The following PARP4 variants were observed in gnomAD, a reference collection of about 807,000 sequenced individuals.
PARP4 encodes protein mono-ADP-ribosyltransferase PARP4.
In PARP4, 120 loss-of-function variants were observed where a neutral mutation model predicts 187.7. The ratio of observed to expected loss-of-function variants is 0.64; its 90% CI spans 0.55 to 0.74. PARP4 has a LOEUF of 0.74. Among genes scored for constraint, PARP4 ranks in the 30% least tolerant of loss-of-function variants. The pLI is 0.00. For missense variants in PARP4, 1,836 were observed against 2,070.5 expected, an observed-to-expected ratio of 0.89 and a Z score of 2.20; for synonymous variants, 654 against 740.9, an observed-to-expected ratio of 0.88 and a Z score of 1.90.
At chr13:24,455,671 G>A (rs1871806387) in intron 21 of PARP4, among the ~76,000 whole-genome samples, 1 of 126,442 alleles carries the variant, frequency 7.9e-6, no homozygotes, top group Admixed American at 9.1e-5. Flanking sequence ...AGGCTGGTAT[G>A]CAGTGGCACG....
Position 24,435,110 on chromosome 13 carries a change from T to C in PARP4, c.4031A>G (p.Tyr1344Cys), listed in dbSNP as rs761506055. The C allele has an allele frequency of 2.5e-6, 4 of 1,614,112 alleles. No homozygotes were observed. The highest frequency in any genetic ancestry group is 1.6e-4 in the Middle Eastern group (1 of 6,062). ...TGAACCGAAACTAGCTACCTGACGATATGAGGCAAAAGACAAGGAAGCAGG... is the reference window on the plus strand; with the variant it reads ...TGAACCGAAACTAGCTACCTGACGACATGAGGCAAAAGACAAGGAAGCAGG... ...HSPASLSFASYRQVASFGSAA... is the reference protein window; with the variant it reads ...HSPASLSFASCRQVASFGSAA... The change falls in exon 31 of 34, where the codon TAT becomes TGT. Residue 1344 changes from tyrosine to cysteine, a missense_variant. Coordinates refer to ENST00000381989, the MANE Select transcript of PARP4 (RefSeq NM_006437.4).
chr13:24,459,310 C>T lies in PARP4; in HGVS notation c.2299G>A (p.Asp767Asn). The part of the protein sequence containing the change: ...QDKALNENLQ[D>N]TVEKICIKEI... ...TTTATACAAATCTTCTCTACTGTAT[C>T]CTGTTAAAAGAAAAATACATTTGTA... The change falls in exon 19 of 34, where the codon GAT (aspartate) becomes AAT (asparagine). Residue 767 changes from aspartate to asparagine, a missense_variant and splice_region_variant. Coordinates refer to ENST00000381989, the MANE Select transcript of PARP4 (RefSeq NM_006437.4). The T allele has an allele frequency of 1.3e-6, 2 of 1,551,056 alleles. No homozygotes were observed. The highest frequency in any genetic ancestry group is 1.8e-6 in the Non-Finnish European group (2 of 1,140,228).
intron 8 of PARP4, among the ~76,000 whole-genome samples, chr13:24,493,118 C>A (rs1044283124): frequency 1.3e-5 from 2 of 152,216 alleles, no homozygotes; most frequent in Non-Finnish European, 2.9e-5. Flanking sequence ...ATTGGGGTAT[C>A]TTCTTTTGTC....
chr13:24,503,703 T>A lies in PARP4; in HGVS notation c.74A>T (p.Lys25Met). 1 of 1,613,906 alleles carries A rather than the reference T, an allele frequency of 6.2e-7. No homozygotes were observed. Among genetic ancestry groups the A allele is most frequent in the Non-Finnish European group, 8.5e-7 (1 of 1,179,870 alleles). Residue 25 changes from lysine to methionine, a missense_variant, in exon 2 of 34, where the codon AAG becomes ATG. Physicochemically the swap from Lys to Met is moderately conservative, Grantham distance 95. Transcript: ENST00000381989. ...VKYLPQQQKK[K>M]LQTDIKENGG... ...ATTTTCCTTAATGTCAGTTTGTAGC[T>A]TTTTCTTCTGCTGCTGAGGTAAGTA...
In PARP4 at chr13:24,477,856, T is replaced by C. The variant is rs142564771; in HGVS notation, c.1634A>G (p.Asp545Gly). The change falls in exon 14 of 34, where the codon GAT (aspartate) becomes GGT (glycine). Residue 545 changes from aspartate to glycine, a missense_variant and splice_region_variant. Physicochemically the swap from Asp to Gly is moderately conservative, Grantham distance 94. Transcript: ENST00000381989. ...GGTTTTATAGACAACAAATTCATCA[T>C]CCTAGAGCAAACAGAAATCAGTAGG... ...QTASVTTDFE[D>G]DEFVVYKTNQ... The C allele has an allele frequency of 1.9e-6, 3 of 1,558,694 alleles. No homozygotes were observed. In the African/African-American group the frequency reaches 4.2e-5, roughly 22 times the overall value.
intron 10 of PARP4, among the ~76,000 whole-genome samples, chr13:24,489,662 A>T (rs73154356): frequency 0.011 from 1,632 of 152,228 alleles, 37 homozygotes; most frequent in African/African-American, 0.036. Flanking sequence ...CATCTTAGTA[A>T]ATGTGAAGTG....
Position 24,512,717 on chromosome 13 carries a change from A to AT in PARP4, c.-14dup, listed in dbSNP as rs901228424. The AT allele has an allele frequency of 6.6e-6, 1 of 152,450 alleles. No homozygotes were observed. Among genetic ancestry groups the AT allele is most frequent in the African/African-American group, 2.4e-5 (1 of 41,448 alleles). The allele number at this position is 152,450 out of a possible 1,614,324, so 9.4% of individuals were successfully genotyped here. On this transcript the variant is annotated 5_prime_UTR_variant, in exon 1 of 34. Coordinates refer to ENST00000381989, the MANE Select transcript of PARP4 (RefSeq NM_006437.4). Reference sequence around the variant, plus strand: ...CAGCGCCCACGCACCTGCCTAGAGGATCCAGCTAGCTCCGGACGCTCCCCG... The same window carrying AT: ...CAGCGCCCACGCACCTGCCTAGAGGATTCCAGCTAGCTCCGGACGCTCCCCG...
intron 16 of PARP4, among the ~76,000 whole-genome samples, chr13:24,469,436 A>C (rs1212847563): frequency 1.3e-5 from 2 of 152,230 alleles, no homozygotes; most frequent in South Asian, 4.1e-4. Flanking sequence ...TCTAATTGTA[A>C]CTGTGGACTA....
chr13:24,505,392 C>CTCCG (rs149445863), intron 1 of PARP4, among the ~76,000 whole-genome samples: 1,596 of 152,118 alleles, frequency 0.01, 26 homozygotes, highest in African/African-American at 0.035. Context: ...TTGATTTGTA[C>CTCCG]AATAAGGGTT....
At chr13:24,435,916 C>CA (rs56254149) in intron 30 of PARP4, among the ~76,000 whole-genome samples, 47 of 87,884 alleles carry the variant, frequency 5.3e-4, no homozygotes, top group East Asian at 1.5e-3. Context: ...TATTCTGTCT[C>CA]AAAAAAAAAA....
At position 24,498,094 on chromosome 13, in the gene PARP4, G is replaced by C. The variant is rs180705144; in HGVS notation, c.591+22C>G. 2.0e-6 allele frequency: 3 copies of C among 1,493,048 alleles called. No individual in the cohort carries two copies. In the Admixed American group the frequency reaches 5.0e-5, roughly 25 times the overall value. The allele number at this position is 1,493,048 out of a possible 1,614,324, so 92.5% of individuals were successfully genotyped here. On this transcript the variant is annotated intron_variant, in intron 6 of 33. Transcript: ENST00000381989. ...TGAACAGAGGTCAGTAAACACATAG[G>C]AATCAATATAAACAGCATTACCTCC...
chr13:24,506,254 C>T (rs1869662919), intron 1 of PARP4, among the ~76,000 whole-genome samples: 1 of 152,182 alleles, frequency 6.6e-6, no homozygotes, highest in South Asian at 2.1e-4. Context: ...GTTGTTTACT[C>T]CTACCGGTGG....
intron 5 of PARP4, 80 bp downstream of exon 5, chr13:24,499,221 C>A: frequency 1.4e-6 from 2 of 1,405,032 alleles, no homozygotes; most frequent in Non-Finnish European, 9.3e-7. Flanking sequence ...GAGAAAATGA[C>A]CGAATAGGAA....
At chr13:24,507,142 T>C (rs1869751431) in intron 1 of PARP4, among the ~76,000 whole-genome samples, 1 of 152,202 alleles carries the variant, frequency 6.6e-6, no homozygotes, top group South Asian at 2.1e-4. Flanking sequence ...GAACTTGCGC[T>C]GGCCCGCAAG....
At chr13:24,448,329 G>A (rs1593602034) in intron 25 of PARP4, among the ~76,000 whole-genome samples, 1 of 152,190 alleles carries the variant, frequency 6.6e-6, no homozygotes, top group East Asian at 1.9e-4. Context: ...GATTGCTTGG[G>A]CTCAGAAAGT....
intron 17 of PARP4, among the ~76,000 whole-genome samples, chr13:24,464,975 C>T (rs188141409): frequency 1.9e-3 from 290 of 152,046 alleles, no homozygotes; most frequent in Non-Finnish European, 3.6e-3. Flanking sequence ...AAAAAGTGGG[C>T]AAAGGACATG....
intron 3 of PARP4, among the ~76,000 whole-genome samples, chr13:24,500,723 G>A (rs748506485): frequency 9.2e-5 from 14 of 152,192 alleles, no homozygotes; most frequent in Non-Finnish European, 1.9e-4. Flanking sequence ...CATCACGAGC[G>A]AAGGAGCTGG....
At chr13:24,490,281 GT>G (rs1273616344) in intron 10 of PARP4, among the ~76,000 whole-genome samples, 3 of 152,144 alleles carry the variant, frequency 2.0e-5, no homozygotes, top group African/African-American at 4.8e-5. Context: ...TGTTTTCCAG[GT>G]TTTCAGGGGC....
At chr13:24,454,399 A>C (rs929339615) in intron 22 of PARP4, among the ~76,000 whole-genome samples, 2 of 152,196 alleles carry the variant, frequency 1.3e-5, no homozygotes, top group Non-Finnish European at 2.9e-5. Context: ...GAGAATCAAT[A>C]GGATAAGACT....
Sources: allele counts gnomAD v4.1 joint callset (sites outside exome capture counted in the v4.1 genomes callset), GRCh38; gene constraint gnomAD v4.1.1; transcripts MANE v1.5; gene names NCBI Gene and HGNC (gene_info 2026-07-23, HGNC 2026-07-21).